The following MTUS1 variants were observed in gnomAD, a reference collection of about 807,000 sequenced individuals.
The protein encoded by MTUS1 is microtubule-associated tumor suppressor 1.
A neutral mutation model predicts 120.8 loss-of-function variants in MTUS1; 109 were observed. The observed-to-expected ratio is 0.90, with a 90% CI of 0.77 to 1.06. The LOEUF (loss-of-function observed/expected upper bound fraction) is 1.06. Among genes scored for constraint, MTUS1 ranks in the 50% least tolerant of loss-of-function variants. The pLI is 0.00. For missense variants in MTUS1, 2,210 were observed against 1,486.3 expected, an observed-to-expected ratio of 1.49 and a Z score of -8.01; for synonymous variants, 737 against 550.5, an observed-to-expected ratio of 1.34 and a Z score of -4.74.
intron 8 of MTUS1, 111 bp downstream of exon 8, chr8:17,675,075 T>C: frequency 1.3e-6 from 2 of 1,552,270 alleles, no homozygotes; most frequent in Admixed American, 3.7e-5. Context: ...AGACAGGGAG[T>C]GCCAACAGCT....
At chr8:17,696,426 C>G (rs1817980048) in intron 6 of MTUS1, among the ~76,000 whole-genome samples, 1 of 152,168 alleles carries the variant, frequency 6.6e-6, no homozygotes, top group South Asian at 2.1e-4. Flanking sequence ...TATTTACATC[C>G]TCATCAAACA....
At chr8:17,702,999 C>A (rs538927385) in intron 6 of MTUS1, among the ~76,000 whole-genome samples, 1 of 152,128 alleles carries the variant, frequency 6.6e-6, no homozygotes, top group East Asian at 1.9e-4. Context: ...TGAGGATGTA[C>A]GTCACCTCAG....
chr8:17,700,589 A>C (rs759598728), intron 6 of MTUS1, among the ~76,000 whole-genome samples: 1 of 152,154 alleles, frequency 6.6e-6, no homozygotes, highest in Non-Finnish European at 1.5e-5. Context: ...AAAACGATTA[A>C]GTATATTGGA....
intron 8 of MTUS1, among the ~76,000 whole-genome samples, chr8:17,661,380 G>C (rs1236404632): frequency 6.6e-6 from 1 of 152,138 alleles, no homozygotes; most frequent in Non-Finnish European, 1.5e-5. Context: ...AACCCATCTG[G>C]AAGCTCATAT....
Position 17,755,053 on chromosome 8 carries a change from T to A in MTUS1, c.755A>T (p.Gln252Leu), listed in dbSNP as rs201091356. The change falls in exon 2 of 15, where the codon CAA (glutamine) becomes CTA (leucine). Residue 252 changes from glutamine (Q) to leucine (L), a missense_variant. By Grantham distance (113) the Gln-to-Leu change is moderately radical (BLOSUM62 -2). Coordinates refer to ENST00000693296, the MANE Select transcript of MTUS1 (RefSeq NM_001363059.2). ...TYTAFSDVVM[Q>L]SEVFVSDIGN... ...AATATCTGAAACAAAAACCTCACTT[T>A]GCATCACCACATCAGAAAATGCTGT... is the stretch of plus-strand genomic sequence containing the variant. The A allele has an allele frequency of 1.2e-3, 1,982 of 1,613,862 alleles. 34 individuals are homozygous for A. In the South Asian group the frequency reaches 0.014, roughly 12 times the overall value.
intron 2 of MTUS1, among the ~76,000 whole-genome samples, chr8:17,748,836 C>A (rs1257157596): frequency 1.3e-5 from 2 of 152,086 alleles, no homozygotes; most frequent in Non-Finnish European, 2.9e-5. Flanking sequence ...TCTCTTTTTT[C>A]CCTACATCCT....
intron 8 of MTUS1, among the ~76,000 whole-genome samples, chr8:17,671,019 G>GAATTTACTGGATTCCCTC (rs1218567149): frequency 6.6e-6 from 1 of 152,102 alleles, no homozygotes; most frequent in East Asian, 1.9e-4. Context: ...TGGCATGAGG[G>GAATTTACTGGATTCCCTC]AATTTACTGG....
At chr8:17,657,205 GA>G (rs199731040) in intron 8 of MTUS1, among the ~76,000 whole-genome samples, 7 of 149,862 alleles carry the variant, frequency 4.7e-5, no homozygotes, top group East Asian at 3.9e-4. Flanking sequence ...ATATCTTAGG[GA>G]AAAAAAAACA....
chr8:17,765,148 G>C (rs969260716), intron 1 of MTUS1, among the ~76,000 whole-genome samples: 1 of 152,130 alleles, frequency 6.6e-6, no homozygotes, highest in African/African-American at 2.4e-5. Context: ...CACACTCCCA[G>C]GAGAATCTGA....
intron 6 of MTUS1, among the ~76,000 whole-genome samples, chr8:17,709,143 A>G (rs1035738062): frequency 1.3e-5 from 2 of 151,892 alleles, no homozygotes; most frequent in South Asian, 2.1e-4. Context: ...CCTCAAAAAA[A>G]AAAAAAGAAA....
chr8:17,789,614 C>T (rs981991746), intron 1 of MTUS1, among the ~76,000 whole-genome samples: 17 of 152,242 alleles, frequency 1.1e-4, no homozygotes, highest in African/African-American at 4.1e-4. Flanking sequence ...TGTAGTTACG[C>T]AAGTTGGCAC....
At chr8:17,793,923 A>G (rs1435880226) in intron 1 of MTUS1, among the ~76,000 whole-genome samples, 1 of 152,186 alleles carries the variant, frequency 6.6e-6, no homozygotes, top group Non-Finnish European at 1.5e-5. Context: ...ACTTTTCACA[A>G]TGATTGGGGT....
rs192980583 is a variant in MTUS1, at chr8:17,754,389, G to A, written c.1419C>T (p.Asn473=). ...ATTTTCCTAAACTGGGTTTACACAG[G>A]TTCACAGGTGCCTCCTTCGAGTCTG... ...NIPDSKEAPV[N]LCKPSLGKST... is the part of the protein sequence containing the mutation. The change falls in exon 2 of 15, where the codon AAC becomes AAT. Residue 473 remains asparagine, a synonymous_variant. Coordinates refer to ENST00000693296, the MANE Select transcript of MTUS1 (RefSeq NM_001363059.2). 1,170 of 1,614,046 alleles carry A rather than the reference G, an allele frequency of 7.2e-4. 2 individuals carry two copies. The highest frequency in any genetic ancestry group is 3.8e-3 in the Admixed American group (227 of 60,012).
chr8:17,697,249 A>C (rs1444636210), intron 6 of MTUS1: 1 of 1,613,126 alleles, frequency 6.2e-7, no homozygotes, highest in Admixed American at 1.7e-5. Context: ...GATCTATGCG[A>C]GACAGACCTG....
At chr8:17,676,536 C>G (rs1471826596) in intron 7 of MTUS1, 1 of 575,944 alleles carries the variant, frequency 1.7e-6, no homozygotes, top group Non-Finnish European at 3.1e-6. Context: ...GCAGCTTCTG[C>G]CTTTGGCACA....
intron 7 of MTUS1, 118 bp downstream of exon 7, chr8:17,684,210 G>C: frequency 1.4e-6 from 1 of 726,536 alleles, no homozygotes; most frequent in Non-Finnish European, 2.4e-6. Context: ...TGGGATGAAT[G>C]ACACCTGATC....
intron 9 of MTUS1, chr8:17,654,954 G>C (rs1807887626): frequency 2.8e-6 from 1 of 351,206 alleles, no homozygotes; most frequent in East Asian, 4.8e-5. Flanking sequence ...TGCATGAAGA[G>C]CAACGCAACT....
chr8:17,713,126 C>G, intron 6 of MTUS1, 88 bp downstream of exon 6: 1 of 1,059,794 alleles, frequency 9.4e-7, no homozygotes, highest in Non-Finnish European at 1.4e-6. Flanking sequence ...CTTATAAGCA[C>G]ACCAGTAAAA....
intron 7 of MTUS1, among the ~76,000 whole-genome samples, chr8:17,675,718 AAAAG>A (rs1322999236): frequency 1.3e-5 from 2 of 152,232 alleles, no homozygotes; most frequent in African/African-American, 4.8e-5. Flanking sequence ...CAATCCTTCT[AAAAG>A]AAAGACAAAA....
Sources: gnomAD v4.1 joint callset for allele counts (sites outside exome capture counted in the v4.1 genomes callset) on GRCh38, gnomAD v4.1.1 for gene constraint, MANE v1.5 for transcripts, NCBI Gene and HGNC (gene_info 2026-07-23, HGNC 2026-07-21) for gene names.